The following NRG1 variants were observed in gnomAD, a reference collection of about 807,000 sequenced individuals.
NRG1 encodes the protein neuregulin 1, also known as pro-neuregulin-1, membrane-bound isoform.
In NRG1, 18 loss-of-function variants were observed where a neutral mutation model predicts 63.8. That is an observed-to-expected ratio of 0.28 (90% CI 0.19 to 0.42). The LOEUF (loss-of-function observed/expected upper bound fraction) is 0.42, where lower values mean the gene tolerates loss of function less well. Ranked by LOEUF, NRG1 falls within the 10% of genes least tolerant of loss-of-function variation. The probability of loss-of-function intolerance (pLI) is 1.00; values close to 1 mark genes in which losing one functional copy is unlikely to be tolerated. For synonymous variants in NRG1, 302 were observed against 301.3 expected, an observed-to-expected ratio of 1.00 and a Z score of -0.02; for missense variants, 762 against 814.7, an observed-to-expected ratio of 0.94 and a Z score of 0.79.
intron 1 of NRG1, among the ~76,000 whole-genome samples, chr8:32,059,536 C>G (rs200279866): frequency 2.0e-5 from 3 of 151,982 alleles, no homozygotes; most frequent in East Asian, 1.9e-4. Context: ...TGCATACTCT[C>G]ATATTTGTGT....
At chr8:32,225,259 T>A (rs1172549687) in intron 1 of NRG1, among the ~76,000 whole-genome samples, 1 of 152,232 alleles carries the variant, frequency 6.6e-6, no homozygotes, top group Non-Finnish European at 1.5e-5. Flanking sequence ...CACGGCTAAC[T>A]GCAACTCTTC....
chr8:32,320,563 G>A lies in NRG1; in HGVS notation c.38-275265G>A, dbSNP rs186291648. Among the ~76,000 whole-genome samples the A allele has an allele frequency of 1.1e-4, 16 of 152,262 alleles. No homozygotes were observed. In the Middle Eastern group the frequency reaches 0.01, roughly 97 times the overall value. On this transcript the variant is annotated intron_variant, in intron 1 of 10. Transcript: ENST00000519301. ...CTGAAGCAAGAGGAAGAGAGCAATA[G>A]GGGAGGTGCTACACACTTTTAAACA...
chr8:32,736,878 G>A (rs757380540), intron 6 of NRG1, among the ~76,000 whole-genome samples: 14 of 151,812 alleles, frequency 9.2e-5, no homozygotes, highest in South Asian at 4.2e-4. Flanking sequence ...CTATAAAAAC[G>A]TCTAGAATCT....
intron 1 of NRG1, among the ~76,000 whole-genome samples, chr8:31,999,374 G>A (rs1812554597): frequency 2.0e-5 from 3 of 151,878 alleles, no homozygotes; most frequent in African/African-American, 4.8e-5. Context: ...TCTCTATAAA[G>A]TTTCTTGTGG....
intron 1 of NRG1, among the ~76,000 whole-genome samples, chr8:32,179,250 C>A (rs1419980983): frequency 1.5e-5 from 2 of 136,958 alleles, no homozygotes; most frequent in African/African-American, 2.8e-5. Context: ...GAATTGGAGA[C>A]AAGTTAGGGA....
chr8:31,934,098 G>A (rs1260469835), intron 1 of NRG1, among the ~76,000 whole-genome samples: 1 of 151,884 alleles, frequency 6.6e-6, no homozygotes, highest in Admixed American at 6.6e-5. Flanking sequence ...TATGTGTGTG[G>A]GTACCTTCAT....
chr8:32,732,011 A>G (rs1823796748), intron 6 of NRG1, among the ~76,000 whole-genome samples: 3 of 152,204 alleles, frequency 2.0e-5, no homozygotes, highest in Admixed American at 2.0e-4. Flanking sequence ...TGTTACAGCA[A>G]ATCTCTTTTG....
At chr8:32,548,156 C>G, upstream of NRG1, 2 of 925,082 alleles carry the variant, frequency 2.2e-6, no homozygotes, top group Non-Finnish European at 2.6e-6. Context: ...AGGCTCCTCC[C>G]GGTGGCGTGT....
At chr8:32,138,238 A>T (rs939689223) in intron 1 of NRG1, among the ~76,000 whole-genome samples, 3 of 152,104 alleles carry the variant, frequency 2.0e-5, no homozygotes, top group Admixed American at 6.6e-5. Context: ...GCGATGTACC[A>T]GTGCAATAAA....
At chr8:32,310,675 G>A (rs551880657) in intron 1 of NRG1, among the ~76,000 whole-genome samples, 35 of 152,270 alleles carry the variant, frequency 2.3e-4, no homozygotes, top group East Asian at 1.9e-4. Flanking sequence ...GAATGAGCAC[G>A]GGAATAAAAG....
chr8:32,655,005 C>T (rs1242996174), intron 5 of NRG1, among the ~76,000 whole-genome samples: 6 of 152,036 alleles, frequency 3.9e-5, no homozygotes, highest in Non-Finnish European at 7.4e-5. Context: ...AAATCTGTTT[C>T]CTCATTTAAA....
chr8:31,875,116 A>C (rs1563514049), intron 1 of NRG1, among the ~76,000 whole-genome samples: 1 of 152,002 alleles, frequency 6.6e-6, no homozygotes. Context: ...ATTTCTGGAG[A>C]GCCTAGTGTA....
At chr8:31,910,693 A>G (rs568006313) in intron 1 of NRG1, among the ~76,000 whole-genome samples, 1 of 152,314 alleles carries the variant, frequency 6.6e-6, no homozygotes, top group Admixed American at 6.5e-5. Flanking sequence ...TTGAACATAT[A>G]TGTGATACGT....
intron 5 of NRG1, among the ~76,000 whole-genome samples, chr8:32,682,849 T>G (rs988700021): frequency 2.6e-5 from 4 of 152,192 alleles, no homozygotes; most frequent in African/African-American, 7.2e-5. Flanking sequence ...CTAAACTGAT[T>G]TATAGACCAC....
At chr8:32,544,391 T>A (rs890022722), upstream of NRG1, among the ~76,000 whole-genome samples, 8 of 152,052 alleles carry the variant, frequency 5.3e-5, no homozygotes, top group Admixed American at 3.3e-4. Context: ...CATATTTAAT[T>A]TGTTTTTATG....
intron 1 of NRG1, among the ~76,000 whole-genome samples, chr8:31,904,573 A>T (rs866886961): frequency 2.0e-5 from 3 of 152,342 alleles, no homozygotes; most frequent in African/African-American, 7.2e-5. Context: ...AGACACACGC[A>T]TGCATATGTT....
At chr8:32,498,036 T>G (rs1379346436) in intron 1 of NRG1, among the ~76,000 whole-genome samples, 1 of 152,160 alleles carries the variant, frequency 6.6e-6, no homozygotes, top group African/African-American at 2.4e-5. Context: ...TTGGTCAGCC[T>G]AGTCTCGAAC....
At chr8:32,696,969 T>G (rs1166697710) in intron 5 of NRG1, among the ~76,000 whole-genome samples, 1 of 152,138 alleles carries the variant, frequency 6.6e-6, no homozygotes, top group Non-Finnish European at 1.5e-5. Flanking sequence ...GCCAAAGTAA[T>G]CTATCTTTAA....
chr8:32,292,662 A>T (rs1481791012), intron 1 of NRG1, among the ~76,000 whole-genome samples: 1 of 152,218 alleles, frequency 6.6e-6, no homozygotes, highest in Non-Finnish European at 1.5e-5. Flanking sequence ...TTTAAACTAA[A>T]TGGTTAACTA....
Sources: gnomAD v4.1 joint callset for allele counts (sites outside exome capture counted in the v4.1 genomes callset) on GRCh38, gnomAD v4.1.1 for gene constraint, MANE v1.5 for transcripts, NCBI Gene and HGNC (gene_info 2026-07-23, HGNC 2026-07-21) for gene names.